The following ZNF500 variants were observed in gnomAD, a reference collection of about 807,000 sequenced individuals.
ZNF500 encodes zinc finger protein with KRAB and SCAN domains 18.
Under a neutral mutation model 30.1 loss-of-function variants are expected in ZNF500, and 31 were observed. That is an observed-to-expected ratio of 1.03 (90% CI 0.77 to 1.39). The LOEUF (loss-of-function observed/expected upper bound fraction) is 1.39, where lower values mean the gene tolerates loss of function less well. Ranked by LOEUF, ZNF500 falls within the 40% of genes most tolerant of loss-of-function variation. The probability of loss-of-function intolerance (pLI) is 0.00; values close to 1 mark genes in which losing one functional copy is unlikely to be tolerated. For synonymous variants in ZNF500, 392 were observed against 282.0 expected, an observed-to-expected ratio of 1.39 and a Z score of -3.91; for missense variants, 817 against 657.8, an observed-to-expected ratio of 1.24 and a Z score of -2.65.
At chr16:4,763,585 C>T (rs780902924) in intron 2 of ZNF500, 1 of 985,256 alleles carries the variant, frequency 1.0e-6, no homozygotes, top group African/African-American at 1.7e-5. Flanking sequence ...CCATCTCAGG[C>T]TTCCTCTTAT....
rs562864262 is a variant in ZNF500 at position 4,751,919 on chromosome 16, G to A, written c.*457C>T. 7 of 330,420 alleles carry A rather than the reference G, an allele frequency of 2.1e-5. No homozygotes were observed. Among genetic ancestry groups the A allele is most frequent in the Admixed American group, 1.6e-4 (3 of 19,318 alleles). 20.5% of individuals were successfully genotyped at this position (330,420 alleles called of 1,614,324 possible). A position where few individuals can be genotyped will look rare whatever the true frequency, so the allele number is the denominator to read the frequency against. On this transcript the variant is annotated 3_prime_UTR_variant, in exon 6 of 6. Transcript: ENST00000219478. ...CAAGGCCCCGTCTCAAAAAAAAAAG[G>A]GGGGGGGAGCAGGTGGGGGGTACAC...
rs767461580 is a variant in ZNF500 at position 4,760,594 on chromosome 16, A to G, written c.664-6T>C. ...TCCTCCAAGTTCACGGGCACCTGCCAGAACGCACCCCACTCAGTCCTGGCC... is the reference window on the plus strand; with the variant it reads ...TCCTCCAAGTTCACGGGCACCTGCCGGAACGCACCCCACTCAGTCCTGGCC... On this transcript the variant is annotated splice_polypyrimidine_tract_variant and splice_region_variant and intron_variant, in intron 4 of 5. Coordinates refer to ENST00000219478, the MANE Select transcript of ZNF500 (RefSeq NM_021646.4). 1 of 1,613,034 alleles carries G rather than the reference A, an allele frequency of 6.2e-7. No individual in the cohort carries two copies. The highest frequency in any genetic ancestry group is 2.2e-5 in the East Asian group (1 of 44,834).
rs1026413396 is a variant in ZNF500, at chr16:4,763,178, A to C, written c.415-422T>G. On this transcript the variant is annotated intron_variant, in intron 2 of 5. Coordinates refer to ENST00000219478, the MANE Select transcript of ZNF500 (RefSeq NM_021646.4). ...TTTGGGAGGCCGAGGTGGGTGGATC[A>C]CCTGAGGCCAGGAGTTCGAGACCAG... is the stretch of plus-strand genomic sequence containing the variant. The C allele has an allele frequency of 3.2e-6, 3 of 943,222 alleles. No individual in the cohort carries two copies. The African/African-American group carries it at 5.3e-5, about 17-fold the overall frequency. 58.4% of individuals were successfully genotyped at this position (943,222 alleles called of 1,614,324 possible).
intron 2 of ZNF500, chr16:4,764,125 G>A: frequency 1.0e-6 from 1 of 984,474 alleles, no homozygotes; most frequent in Non-Finnish European, 1.2e-6. Flanking sequence ...AGAGATTTCG[G>A]TGTGTCAGAA....
chr16:4,759,952 T>C (rs1252273811), intron 5 of ZNF500, among the ~76,000 whole-genome samples: 1 of 152,196 alleles, frequency 6.6e-6, no homozygotes, highest in Non-Finnish European at 1.5e-5. Context: ...GGTGGGAGCA[T>C]CGCTTGAACC....
chr16:4,747,659 G>A, downstream of ZNF500: 1 of 1,571,734 alleles, frequency 6.4e-7, no homozygotes, highest in Non-Finnish European at 8.7e-7. Flanking sequence ...GGAGTGGGCA[G>A]GGGCGGGCTG....
Position 4,764,097 on chromosome 16 carries a change from T to C in ZNF500, c.415-1341A>G, listed in dbSNP as rs796866928. On this transcript the variant is annotated intron_variant, in intron 2 of 5. Transcript: ENST00000219478. ...TCCTTCAAATGGGGCTGGAAGGAGGTGGAGAGGCACTGTCTATAGAGATTT... is the reference window on the plus strand; with the variant it reads ...TCCTTCAAATGGGGCTGGAAGGAGGCGGAGAGGCACTGTCTATAGAGATTT... 8.1e-6 allele frequency: 8 copies of C among 985,006 alleles called. No homozygotes were observed. The African/African-American group carries it at 1.2e-4, about 15-fold the overall frequency. 61.0% of individuals were successfully genotyped at this position (985,006 alleles called of 1,614,324 possible).
chr16:4,763,012 G>A, intron 2 of ZNF500: 7 of 985,416 alleles, frequency 7.1e-6, no homozygotes, highest in Non-Finnish European at 8.4e-6. Context: ...TGGTCCTCCT[G>A]ATAGACCCTG....
intron 5 of ZNF500, among the ~76,000 whole-genome samples, chr16:4,754,254 C>A (rs1208772935): frequency 6.6e-6 from 1 of 152,160 alleles, no homozygotes; most frequent in Non-Finnish European, 1.5e-5. Context: ...CACTCCCAGC[C>A]CCAGACCTCC....
In ZNF500 at chr16:4,751,347, T is replaced by TAAGGGGCCAGGAGCAAACGCAGCCA. The variant is rs1213526983; in HGVS notation, c.*1028_*1029insTGGCTGCGTTTGCTCCTGGCCCCTT. ...CCGTGGAAGGCCACATTCCAGACAC[T>TAAGGGGCCAGGAGCAAACGCAGCCA]AAGGGGCCAGGAGCAAACGCAGCCC... is the stretch of plus-strand genomic sequence containing the variant. On this transcript the variant is annotated 3_prime_UTR_variant, in exon 6 of 6. Coordinates refer to ENST00000219478, the MANE Select transcript of ZNF500 (RefSeq NM_021646.4). 1.9e-6 allele frequency: 1 copy of TAAGGGGCCAGGAGCAAACGCAGCCA among 516,866 alleles called. No homozygotes were observed. The highest frequency in any genetic ancestry group is 2.0e-5 in the African/African-American group (1 of 51,194). 32.0% of individuals were successfully genotyped at this position (516,866 alleles called of 1,614,324 possible).
chr16:4,758,048 C>G lies in ZNF500; in HGVS notation c.760+2444G>C, dbSNP rs2082156252. Among the ~76,000 whole-genome samples, 6 of 151,874 alleles carry G rather than the reference C, an allele frequency of 4.0e-5. No individual in the cohort carries two copies. In the South Asian group the frequency reaches 1.2e-3, roughly 32 times the overall value. Reference sequence around the variant, plus strand: ...TCCCAAGTAGCTGGGATTATAGGCACCCGCCATCACGCCTAATTTTTGTAT... The same window carrying G: ...TCCCAAGTAGCTGGGATTATAGGCAGCCGCCATCACGCCTAATTTTTGTAT... On this transcript the variant is annotated intron_variant, in intron 5 of 5. Transcript: ENST00000219478.
At chr16:4,763,365 C>T (rs1306724733) in intron 2 of ZNF500, among the ~76,000 whole-genome samples, 1 of 149,986 alleles carries the variant, frequency 6.7e-6, no homozygotes, top group African/African-American at 2.5e-5. Flanking sequence ...TGCCACTGCA[C>T]TCCAGCCTGG....
intron 5 of ZNF500, among the ~76,000 whole-genome samples, chr16:4,759,317 G>A (rs536582560): frequency 6.9e-4 from 103 of 149,554 alleles, no homozygotes; most frequent in Non-Finnish European, 1.1e-3. Flanking sequence ...TGCAGATGCT[G>A]TGGAAAACAG....
rs1292845441 is a variant in ZNF500, at chr16:4,752,736, GC to G, written c.1082del (p.Gly361AlafsTer125). The G allele has an allele frequency of 6.2e-7, 1 of 1,614,236 alleles. No homozygotes were observed. The highest frequency in any genetic ancestry group is 1.1e-5 in the South Asian group (1 of 91,088). On this transcript the variant is annotated frameshift_variant, in exon 6 of 6. Coordinates refer to ENST00000219478, the MANE Select transcript of ZNF500 (RefSeq NM_021646.4). LOFTEE classifies it low-confidence loss of function (END_TRUNC). ...RPYKCLVCGK[G>X]FSDRSNFSTH... The stretch of plus-strand genomic sequence containing the variant: ...TGCTGAAGTTGGAGCGGTCGCTAAA[GC>G]CCTTCCCACAGACTAGGCACTTGTA...
chr16:4,752,636 T>C lies in ZNF500; in HGVS notation c.1183A>G (p.Ser395Gly). The C allele has an allele frequency of 2.5e-6, 4 of 1,611,440 alleles. No homozygotes were observed. The highest frequency in any genetic ancestry group is 3.4e-6 in the Non-Finnish European group (4 of 1,178,892). Residue 395 changes from serine to glycine, a missense_variant, in exon 6 of 6, where the codon AGC becomes GGC. Transcript: ENST00000219478. Reference protein sequence around the residue: ...ECGKRFSQSSSLVIHRRTHSG... With the variant: ...ECGKRFSQSSGLVIHRRTHSG... Reference sequence around the variant, plus strand: ...TGTGTCCTGCGGTGGATGACCAGGCTGGAGCTCTGGCTGAAGCGCTTCCCA... The same window carrying C: ...TGTGTCCTGCGGTGGATGACCAGGCCGGAGCTCTGGCTGAAGCGCTTCCCA...
In ZNF500 at chr16:4,751,943, A is replaced by G. The variant is rs187422235; in HGVS notation, c.*433T>C. ...GGGGGGGGGAGCAGGTGGGGGGTAC[A>G]CACAGAGACAGCGCACAGGGTCACA... On this transcript the variant is annotated 3_prime_UTR_variant, in exon 6 of 6. Transcript: ENST00000219478. The G allele has an allele frequency of 9.6e-4, 641 of 668,214 alleles. 6 individuals are homozygous for G. In the African/African-American group the frequency reaches 0.011, roughly 12 times the overall value. The allele number at this position is 668,214 out of a possible 1,614,324, so 41.4% of individuals were successfully genotyped here. A position where few individuals can be genotyped will look rare whatever the true frequency, so the allele number is the denominator to read the frequency against.
chr16:4,765,870 G>T lies in ZNF500; in HGVS notation c.109C>A (p.Pro37Thr). ...VEEDFCLEEEPSVETEDPSPE... is the reference protein window; with the variant it reads ...VEEDFCLEEETSVETEDPSPE... ...CTGGGGTCCTCCGTCTCCACGGAGG[G>T]CTCCTCTTCCAAGCAGAAGTCCTCC... The change falls in exon 2 of 6, where the codon CCC becomes ACC. Residue 37 changes from proline to threonine, a missense_variant. By Grantham distance (38) the Pro-to-Thr change is conservative. Transcript: ENST00000219478. The T allele has an allele frequency of 6.2e-7, 1 of 1,613,764 alleles. No individual in the cohort carries two copies. Among genetic ancestry groups the T allele is most frequent in the Non-Finnish European group, 8.5e-7 (1 of 1,180,016 alleles).
rs529945784 is a variant in ZNF500 at position 4,752,032 on chromosome 16, G to C, written c.*344C>G. 4 of 1,251,778 alleles carry C rather than the reference G, an allele frequency of 3.2e-6. No homozygotes were observed. Among genetic ancestry groups the C allele is most frequent in the African/African-American group, 1.5e-5 (1 of 64,916 alleles). The allele number at this position is 1,251,778 out of a possible 1,614,324, so 77.5% of individuals were successfully genotyped here. Reference sequence around the variant, plus strand: ...GTATGCCAGCAGCCACTGGATGCTGGAGGCAGCTGATGGACCCTCCCAGGC... The same window carrying C: ...GTATGCCAGCAGCCACTGGATGCTGCAGGCAGCTGATGGACCCTCCCAGGC... On this transcript the variant is annotated 3_prime_UTR_variant, in exon 6 of 6. Coordinates refer to ENST00000219478, the MANE Select transcript of ZNF500 (RefSeq NM_021646.4).
At position 4,761,283 on chromosome 16, in the gene ZNF500, A is replaced by AG. The variant is rs1226176159; in HGVS notation, c.664-696_664-695insC. On this transcript the variant is annotated intron_variant, in intron 4 of 5. Coordinates refer to ENST00000219478, the MANE Select transcript of ZNF500 (RefSeq NM_021646.4). ...GAAACCCCATCTGTACTAAAAATAC[A>AG]AAAAAAATTAGCCAGGCATGGTGGT... Among the ~76,000 whole-genome samples the AG allele has an allele frequency of 1.2e-4, 18 of 151,688 alleles. 1 individual carries two copies. The highest frequency in any genetic ancestry group is 9.9e-4 in the Admixed American group (15 of 15,202).
Sources: gnomAD v4.1 joint callset for allele counts (sites outside exome capture counted in the v4.1 genomes callset) on GRCh38, gnomAD v4.1.1 for gene constraint, MANE v1.5 for transcripts, NCBI Gene and HGNC (gene_info 2026-07-23, HGNC 2026-07-21) for gene names.